The following IGF2BP3 variants were observed in gnomAD, a reference collection of about 807,000 sequenced individuals.
IGF2BP3 encodes insulin-like growth factor 2 mRNA-binding protein 3.
Under a neutral mutation model 73.8 loss-of-function variants are expected in IGF2BP3, and 9 were observed. The observed-to-expected ratio is 0.12, with a 90% CI of 0.07 to 0.21. The LOEUF (loss-of-function observed/expected upper bound fraction) is 0.21, where lower values mean the gene tolerates loss of function less well. IGF2BP3 is among the 10% of genes least tolerant of loss of function. The pLI, the probability that IGF2BP3 is intolerant of heterozygous loss-of-function variation, is 1.00. For missense variants in IGF2BP3, 542 were observed against 714.0 expected (o/e 0.76, Z 2.75); for synonymous variants, 258 against 256.7 (o/e 1.01, Z -0.05).
chr7:23,369,544 A>G (rs574140073), intron 3 of IGF2BP3, among the ~76,000 whole-genome samples: 3 of 152,150 alleles, frequency 2.0e-5, no homozygotes, highest in Non-Finnish European at 4.4e-5. Flanking sequence ...ACATGGACAA[A>G]CAGAACCAGT....
At chr7:23,407,280 A>G (rs1786864582) in intron 3 of IGF2BP3, among the ~76,000 whole-genome samples, 1 of 151,518 alleles carries the variant, frequency 6.6e-6, no homozygotes, top group Non-Finnish European at 1.5e-5. Flanking sequence ...GAAGAACACT[A>G]TAATTACTGA....
intron 10 of IGF2BP3, among the ~76,000 whole-genome samples, chr7:23,328,764 C>A (rs1419376231): frequency 6.6e-6 from 1 of 152,134 alleles, no homozygotes; most frequent in Admixed American, 6.6e-5. Context: ...CCTACCTAAC[C>A]TAAAGTAAGT....
intron 2 of IGF2BP3, among the ~76,000 whole-genome samples, chr7:23,448,250 T>C (rs1170295186): frequency 6.6e-6 from 1 of 152,196 alleles, no homozygotes; most frequent in Admixed American, 6.5e-5. Flanking sequence ...ACAAATGCTA[T>C]TCATTTCCTT....
chr7:23,329,409 A>C (rs763380600), intron 10 of IGF2BP3, among the ~76,000 whole-genome samples: 4 of 152,164 alleles, frequency 2.6e-5, no homozygotes, highest in Admixed American at 6.6e-5. Context: ...TCAATGTTTC[A>C]ATAAAATCTT....
chr7:23,347,568 AC>A (rs751113581), intron 7 of IGF2BP3, 31 bp downstream of exon 7: 4 of 1,599,724 alleles, frequency 2.5e-6, no homozygotes, highest in Non-Finnish European at 2.6e-6. Context: ...ACAAATATCA[AC>A]CTCTTTCACA....
At chr7:23,415,732 C>G (rs977180374) in intron 3 of IGF2BP3, among the ~76,000 whole-genome samples, 6 of 152,238 alleles carry the variant, frequency 3.9e-5, no homozygotes, top group Non-Finnish European at 7.3e-5. Flanking sequence ...CAGGGCTCTT[C>G]CCTCCAAGTC....
intron 2 of IGF2BP3, among the ~76,000 whole-genome samples, chr7:23,431,821 C>T (rs1245319890): frequency 3.3e-5 from 5 of 151,412 alleles, no homozygotes; most frequent in Non-Finnish European, 4.4e-5. Flanking sequence ...GGCCCCTCCC[C>T]CGCCAACCCA....
chr7:23,425,582 C>A (rs1448778686), intron 2 of IGF2BP3, among the ~76,000 whole-genome samples: 1 of 152,094 alleles, frequency 6.6e-6, no homozygotes, highest in Non-Finnish European at 1.5e-5. Context: ...CTACATTCCC[C>A]AGGCTGGTCT....
At chr7:23,350,976 G>A (rs975805266) in intron 6 of IGF2BP3, among the ~76,000 whole-genome samples, 6 of 152,156 alleles carry the variant, frequency 3.9e-5, no homozygotes, top group African/African-American at 1.4e-4. Context: ...AAAACAATGA[G>A]GGCAGGTGGG....
chr7:23,337,164 C>T (rs1408962027), intron 10 of IGF2BP3, among the ~76,000 whole-genome samples: 1 of 151,782 alleles, frequency 6.6e-6, no homozygotes, highest in East Asian at 1.9e-4. Context: ...TGCAACCACC[C>T]CCCACCCCCT....
intron 3 of IGF2BP3, 34 bp from the exon 4 acceptor site, chr7:23,361,775 G>T (rs781763521): frequency 1.3e-6 from 2 of 1,570,082 alleles, no homozygotes; most frequent in South Asian, 2.3e-5. Context: ...TATAAATTTT[G>T]AGTTTCCCAA....
intron 8 of IGF2BP3, among the ~76,000 whole-genome samples, chr7:23,344,268 C>A (rs1472526223): frequency 1.3e-5 from 2 of 152,190 alleles, no homozygotes; most frequent in Non-Finnish European, 2.9e-5. Context: ...TCTGTATTAA[C>A]CAATTCTAGG....
intron 2 of IGF2BP3, among the ~76,000 whole-genome samples, chr7:23,440,023 G>A (rs1430513884): frequency 1.3e-5 from 2 of 152,132 alleles, no homozygotes; most frequent in Non-Finnish European, 2.9e-5. Context: ...CAGCACTTTG[G>A]GAGGCCGAGG....
chr7:23,426,275 G>A (rs373648705), intron 2 of IGF2BP3, among the ~76,000 whole-genome samples: 194 of 138,328 alleles, frequency 1.4e-3, no homozygotes, highest in African/African-American at 4.8e-3. Context: ...AGCTGAGACC[G>A]TGCCATTGCA....
chr7:23,348,848 C>T (rs868575223), intron 6 of IGF2BP3, among the ~76,000 whole-genome samples: 2 of 151,984 alleles, frequency 1.3e-5, no homozygotes, highest in Non-Finnish European at 2.9e-5. Flanking sequence ...TATCTAATTG[C>T]GGGAAGAGAT....
intron 3 of IGF2BP3, among the ~76,000 whole-genome samples, chr7:23,407,051 AAG>A (rs1341564737): frequency 6.6e-6 from 1 of 152,140 alleles, no homozygotes; most frequent in African/African-American, 2.4e-5. Context: ...TGAAGATTTT[AAG>A]AGAGAGAACA....
intron 2 of IGF2BP3, among the ~76,000 whole-genome samples, chr7:23,422,529 T>C (rs1183101676): frequency 6.6e-6 from 1 of 152,194 alleles, no homozygotes; most frequent in African/African-American, 2.4e-5. Flanking sequence ...TACTCCAGCC[T>C]GGGCAAGGGA....
chr7:23,407,734 T>C (rs1202983053), intron 3 of IGF2BP3, among the ~76,000 whole-genome samples: 2 of 151,938 alleles, frequency 1.3e-5, no homozygotes, highest in African/African-American at 4.8e-5. Flanking sequence ...AAACATGTTT[T>C]CCCAACACAT....
intron 3 of IGF2BP3, among the ~76,000 whole-genome samples, chr7:23,392,449 TATAC>T (rs1306157228): frequency 6.8e-5 from 10 of 148,110 alleles, no homozygotes; most frequent in African/African-American, 2.3e-4. Context: ...TATATATATA[TATAC>T]ACACACACAC....
Sources: gnomAD v4.1 joint callset for allele counts (sites outside exome capture counted in the v4.1 genomes callset) on GRCh38, gnomAD v4.1.1 for gene constraint, MANE v1.5 for transcripts, NCBI Gene and HGNC (gene_info 2026-07-23, HGNC 2026-07-21) for gene names.